The following FRRS1 variants were observed in gnomAD, a reference collection of about 807,000 sequenced individuals.
FRRS1 encodes ferric chelate reductase 1.
Under a neutral mutation model 70.7 loss-of-function variants are expected in FRRS1, and 51 were observed. That is an observed-to-expected ratio of 0.72 (90% CI 0.58 to 0.91). The LOEUF is 0.91. Ranked by LOEUF, FRRS1 falls within the 40% of genes least tolerant of loss-of-function variation. The pLI, the probability that FRRS1 is intolerant of heterozygous loss-of-function variation, is 0.00. For missense variants in FRRS1, 672 were observed against 726.0 expected (o/e 0.93, Z 0.86); for synonymous variants, 225 against 238.7 (o/e 0.94, Z 0.53).
chr1:99,716,786 T>C (rs1445487777), intron 11 of FRRS1, among the ~76,000 whole-genome samples: 2 of 152,218 alleles, frequency 1.3e-5, no homozygotes, highest in South Asian at 2.1e-4. Flanking sequence ...CCATGACCCA[T>C]GAAAGATAAG....
At chr1:99,735,149 T>A (rs1216351998) in intron 7 of FRRS1, among the ~76,000 whole-genome samples, 1 of 152,184 alleles carries the variant, frequency 6.6e-6, no homozygotes, top group Non-Finnish European at 1.5e-5. Context: ...CTCATCAATG[T>A]CATAACAAAA....
At position 99,705,083 on chromosome 1, in the gene FRRS1, G is replaced by A. The variant is rs115012873; in HGVS notation, c.*3945C>T. Among the ~76,000 whole-genome samples, 1,128 of 152,312 alleles carry A rather than the reference G, an allele frequency of 7.4e-3. 13 individuals are homozygous for A. Among genetic ancestry groups the A allele is most frequent in the African/African-American group, 0.026 (1,082 of 41,560 alleles). ...AACTATGGACAGCTAAACTAAAAGA[G>A]CACGTGGTAACACATGCCCACTGGG... On this transcript the variant is annotated 3_prime_UTR_variant, in exon 17 of 17. Transcript: ENST00000646001.
intron 7 of FRRS1, among the ~76,000 whole-genome samples, chr1:99,733,246 G>A (rs1344432276): frequency 6.6e-6 from 1 of 152,132 alleles, no homozygotes; most frequent in Non-Finnish European, 1.5e-5. Flanking sequence ...CTAATGGCGG[G>A]TTACTACAGC....
intron 9 of FRRS1, among the ~76,000 whole-genome samples, chr1:99,725,741 G>C (rs1655053057): frequency 6.6e-6 from 1 of 152,176 alleles, no homozygotes; most frequent in Admixed American, 6.5e-5. Flanking sequence ...GGGAGTGTTA[G>C]AACTATCACT....
intron 15 of FRRS1, among the ~76,000 whole-genome samples, chr1:99,710,234 A>C (rs930620235): frequency 6.6e-6 from 1 of 152,220 alleles, no homozygotes; most frequent in African/African-American, 2.4e-5. Context: ...TCCAGGCTAA[A>C]TGATACCCAT....
In FRRS1 at chr1:99,738,068, T is replaced by C. The variant is rs1281565875; in HGVS notation, c.759+18A>G. ...GATTCTCCTTTTGTTACCACTTATG[T>C]AAGTGAGAGGTACCAACCATCCACT... On this transcript the variant is annotated intron_variant, in intron 7 of 16. Transcript: ENST00000646001. 1 of 1,583,296 alleles carries C rather than the reference T, an allele frequency of 6.3e-7. No homozygotes were observed. The highest frequency in any genetic ancestry group is 1.1e-5 in the South Asian group (1 of 87,742).
At chr1:99,714,060 A>G (rs188714377) in intron 12 of FRRS1, among the ~76,000 whole-genome samples, 283 of 152,322 alleles carry the variant, frequency 1.9e-3, no homozygotes, top group Middle Eastern at 3.4e-3. Flanking sequence ...CGAGGAGGTC[A>G]GTTCAGAGAA....
chr1:99,713,439 A>T (rs1356266782), intron 12 of FRRS1, among the ~76,000 whole-genome samples: 1 of 152,236 alleles, frequency 6.6e-6, no homozygotes, highest in Non-Finnish European at 1.5e-5. Flanking sequence ...CATATCACAA[A>T]ATCTTCATAA....
At chr1:99,763,735 G>C (rs1657218497) in intron 1 of FRRS1, among the ~76,000 whole-genome samples, 1 of 151,938 alleles carries the variant, frequency 6.6e-6, no homozygotes, top group Non-Finnish European at 1.5e-5. Flanking sequence ...GGGCTTGGGG[G>C]TGCATGCCTG....
At chr1:99,719,494 G>T in intron 10 of FRRS1, 40 bp downstream of exon 10, 1 of 1,010,536 alleles carries the variant, frequency 9.9e-7, no homozygotes, top group Non-Finnish European at 1.6e-6. Flanking sequence ...TGAGTCAGCA[G>T]GTAAGTTGAT....
At chr1:99,723,764 T>C (rs956951079) in intron 9 of FRRS1, among the ~76,000 whole-genome samples, 8 of 152,194 alleles carry the variant, frequency 5.3e-5, no homozygotes, top group Non-Finnish European at 8.8e-5. Flanking sequence ...AAAGAGGCTT[T>C]TAAAGCAGTG....
intron 1 of FRRS1, among the ~76,000 whole-genome samples, chr1:99,764,635 A>G (rs1657268727): frequency 6.6e-6 from 1 of 152,196 alleles, no homozygotes; most frequent in African/African-American, 2.4e-5. Flanking sequence ...TTGAAATATC[A>G]CAGACCTAGG....
chr1:99,736,734 C>A (rs1371391146), intron 7 of FRRS1, among the ~76,000 whole-genome samples: 1 of 146,184 alleles, frequency 6.8e-6, no homozygotes, highest in African/African-American at 2.6e-5. Flanking sequence ...CAAACCTGCA[C>A]ATTGTGCACA....
chr1:99,756,663 A>T (rs12122207), intron 1 of FRRS1, among the ~76,000 whole-genome samples: 10,276 of 152,240 alleles, frequency 0.067, 407 homozygotes, highest in Middle Eastern at 0.12. Context: ...AAGACTTTTT[A>T]AAATAAATCG....
intron 15 of FRRS1, among the ~76,000 whole-genome samples, 180 bp downstream of exon 15, chr1:99,710,626 A>G (rs575955648): frequency 6.6e-6 from 1 of 152,348 alleles, no homozygotes; most frequent in South Asian, 2.1e-4. Flanking sequence ...ACAACTTCTA[A>G]TAGTAACAAA....
chr1:99,723,374 G>A (rs1334035928), intron 9 of FRRS1, among the ~76,000 whole-genome samples: 1 of 152,044 alleles, frequency 6.6e-6, no homozygotes, highest in East Asian at 1.9e-4. Flanking sequence ...AAAATTAGCT[G>A]AGAATGGTGG....
intron 4 of FRRS1, among the ~76,000 whole-genome samples, chr1:99,744,351 TA>T (rs1200362160): frequency 1.3e-5 from 2 of 152,216 alleles, no homozygotes; most frequent in Non-Finnish European, 2.9e-5. Context: ...TAATTTAGAA[TA>T]AAAGTTTGGC....
Position 99,747,691 on chromosome 1 carries a change from A to G in FRRS1, c.197-261T>C, listed in dbSNP as rs1656353383. On this transcript the variant is annotated intron_variant, in intron 3 of 16. Coordinates refer to ENST00000646001, the MANE Select transcript of FRRS1 (RefSeq NM_001361041.2). ...ATAGGTGATGGTCCAGGGGCAGTCC[A>G]TAAGGCTAAGTTAGTTTGGAAAATG... The G allele has an allele frequency of 8.5e-6, 3 of 352,380 alleles. No homozygotes were observed. The South Asian group carries it at 1.2e-4, about 14-fold the overall frequency. 21.8% of individuals were successfully genotyped at this position (352,380 alleles called of 1,614,324 possible). A position where few individuals can be genotyped will look rare whatever the true frequency, so the allele number is the denominator to read the frequency against.
chr1:99,732,032 T>C (rs1482554866), intron 7 of FRRS1, among the ~76,000 whole-genome samples: 1 of 152,162 alleles, frequency 6.6e-6, no homozygotes, highest in Non-Finnish European at 1.5e-5. Context: ...AGAAATTCTT[T>C]TGTTACACAA....
Sources: allele counts gnomAD v4.1 joint callset (sites outside exome capture counted in the v4.1 genomes callset), GRCh38; gene constraint gnomAD v4.1.1; transcripts MANE v1.5; gene names NCBI Gene and HGNC (gene_info 2026-07-23, HGNC 2026-07-21).